The following FLT1 variants were observed in gnomAD, a reference collection of about 807,000 sequenced individuals.
The protein encoded by FLT1 is fms related receptor tyrosine kinase 1.
A neutral mutation model predicts 156.3 loss-of-function variants in FLT1; 49 were observed. That is an observed-to-expected ratio of 0.31 (90% CI 0.25 to 0.40). The LOEUF (loss-of-function observed/expected upper bound fraction) is 0.40, where lower values mean the gene tolerates loss of function less well. Ranked by LOEUF, FLT1 falls within the 10% of genes least tolerant of loss-of-function variation. The pLI is 1.00. For missense variants in FLT1, 1,322 were observed against 1,637.2 expected (o/e 0.81, Z 3.32); for synonymous variants, 594 against 583.8 (o/e 1.02, Z -0.25).
intron 13 of FLT1, chr13:28,387,547 C>G: frequency 1.9e-6 from 2 of 1,063,132 alleles, no homozygotes; most frequent in Non-Finnish European, 2.3e-6. Flanking sequence ...TAGCTGCCCA[C>G]CAGGTTCTTT....
chr13:28,398,307 C>T (rs1875189510), intron 11 of FLT1, among the ~76,000 whole-genome samples: 1 of 152,116 alleles, frequency 6.6e-6, no homozygotes, highest in Non-Finnish European at 1.5e-5. Context: ...AGTATAATGA[C>T]AAGTGACTTA....
intron 14 of FLT1, among the ~76,000 whole-genome samples, chr13:28,379,169 C>G (rs2137440228): frequency 6.6e-6 from 1 of 152,104 alleles, no homozygotes; most frequent in East Asian, 1.9e-4. Context: ...ATGGTGAAAC[C>G]CTGTTTCTAC....
At chr13:28,326,683 G>A (rs1298219344) in intron 20 of FLT1, among the ~76,000 whole-genome samples, 6 of 151,774 alleles carry the variant, frequency 4.0e-5, no homozygotes, top group Admixed American at 1.3e-4. Flanking sequence ...GGGCCACCAC[G>A]CCTGGCTAAT....
In FLT1 at chr13:28,357,302, G is replaced by A. The variant is rs1197276852; in HGVS notation, c.2248+252C>T. Among the ~76,000 whole-genome samples, 4 of 152,048 alleles carry A rather than the reference G, an allele frequency of 2.6e-5. No homozygotes were observed. In the East Asian group the frequency reaches 7.7e-4, roughly 29 times the overall value. ...GTCAGAACTGGGTTTCCTTTCTTCT[G>A]GGAACGACTTCTCCCGCAGACACTG... On this transcript the variant is annotated intron_variant, in intron 15 of 29. Coordinates refer to ENST00000282397, the MANE Select transcript of FLT1 (RefSeq NM_002019.4).
At chr13:28,341,124 G>A (rs1872317794) in intron 16 of FLT1, among the ~76,000 whole-genome samples, 1 of 152,212 alleles carries the variant, frequency 6.6e-6, no homozygotes, top group African/African-American at 2.4e-5. Context: ...GAGGCTGGCA[G>A]TAGTGTTGAC....
At chr13:28,412,207 G>A (rs1006299482) in intron 10 of FLT1, among the ~76,000 whole-genome samples, 5 of 152,186 alleles carry the variant, frequency 3.3e-5, no homozygotes, top group Non-Finnish European at 2.9e-5. Context: ...CTCTGCTACT[G>A]TGGGTGTCGT....
chr13:28,354,441 TAAATGCC>T (rs998336323), intron 15 of FLT1, among the ~76,000 whole-genome samples: 5 of 152,224 alleles, frequency 3.3e-5, no homozygotes, highest in Admixed American at 1.3e-4. Context: ...AAGAATGAGT[TAAATGCC>T]TCTTCTGTCA....
At chr13:28,328,396 A>C (rs1024846815) in intron 19 of FLT1, 1 of 152,256 alleles carries the variant, frequency 6.6e-6, no homozygotes, top group African/African-American at 2.4e-5. Context: ...TTTCCACTGC[A>C]TGCCTGGGCT....
chr13:28,473,308 T>C (rs956891646), intron 1 of FLT1, among the ~76,000 whole-genome samples: 11 of 152,058 alleles, frequency 7.2e-5, no homozygotes, highest in African/African-American at 2.7e-4. Context: ...CATAAAAACT[T>C]ACACACAAAT....
At chr13:28,346,006 T>C (rs1419455634) in intron 15 of FLT1, among the ~76,000 whole-genome samples, 1 of 151,476 alleles carries the variant, frequency 6.6e-6, no homozygotes, top group Non-Finnish European at 1.5e-5. Flanking sequence ...AAGGGCTACT[T>C]TGGGACTCAC....
chr13:28,412,381 T>TTTCTTTCTTTCTTTCCTTCTTTCTTTCC (rs1555236533), intron 10 of FLT1, among the ~76,000 whole-genome samples: 9 of 88,298 alleles, frequency 1.0e-4, no homozygotes, highest in African/African-American at 3.4e-4. Flanking sequence ...TCTTTCTTTC[T>TTTCTTTCTTTCTTTCCTTCTTTCTTTCC]TTCTTTCTTT....
intron 26 of FLT1, 88 bp downstream of exon 26, chr13:28,311,905 A>G: frequency 9.2e-7 from 1 of 1,081,670 alleles, no homozygotes; most frequent in Non-Finnish European, 1.4e-6. Context: ...CTCAGCTATT[A>G]TATTAATAGC....
At chr13:28,379,290 T>C (rs1033689184) in intron 14 of FLT1, among the ~76,000 whole-genome samples, 1 of 152,118 alleles carries the variant, frequency 6.6e-6, no homozygotes, top group Non-Finnish European at 1.5e-5. Context: ...GCCAAGATTG[T>C]GCCACTGCAC....
At chr13:28,372,067 TATATA>T (rs1375661571) in intron 14 of FLT1, among the ~76,000 whole-genome samples, 10 of 27,352 alleles carry the variant, frequency 3.7e-4, no homozygotes, top group Non-Finnish European at 6.4e-4. Flanking sequence ...TATATATATA[TATATA>T]TATATTTTTT....
At chr13:28,367,767 T>C (rs1593713213) in intron 14 of FLT1, among the ~76,000 whole-genome samples, 1 of 152,336 alleles carries the variant, frequency 6.6e-6, no homozygotes, top group East Asian at 1.9e-4. Context: ...GACCAGCAAC[T>C]TCTGTTTTGT....
chr13:28,413,132 G>A (rs1876416784), intron 10 of FLT1, among the ~76,000 whole-genome samples: 1 of 152,084 alleles, frequency 6.6e-6, no homozygotes, highest in Non-Finnish European at 1.5e-5. Context: ...GAGTTTCGGG[G>A]GTTGTGGGCT....
At chr13:28,309,884 CTTTTTTTTTTT>C (rs60568918) in intron 27 of FLT1, among the ~76,000 whole-genome samples, 2 of 90,874 alleles carry the variant, frequency 2.2e-5, no homozygotes, top group East Asian at 8.0e-4. Context: ...TTCTTTTTTC[CTTTTTTTTTTT>C]TTTTTTTTTT....
intron 3 of FLT1, among the ~76,000 whole-genome samples, chr13:28,444,908 T>C (rs977897834): frequency 9.2e-5 from 14 of 152,162 alleles, no homozygotes; most frequent in African/African-American, 3.4e-4. Context: ...CTATAAATGC[T>C]TATATTGATA....
At chr13:28,308,335 A>C in intron 28 of FLT1, 1 of 198,716 alleles carries the variant, frequency 5.0e-6, no homozygotes, top group Non-Finnish European at 1.0e-5. Context: ...AAGAGCTGGG[A>C]GACCTCTTGT....
Sources: allele counts gnomAD v4.1 joint callset (sites outside exome capture counted in the v4.1 genomes callset), GRCh38; gene constraint gnomAD v4.1.1; transcripts MANE v1.5; gene names NCBI Gene and HGNC (gene_info 2026-07-23, HGNC 2026-07-21).